Variants in EYS observed in about 807,000 individuals in gnomAD.
The protein encoded by EYS is EGF-like photoreceptor maintenance factor, also known as protein eyes shut homolog.
In EYS, 250 loss-of-function variants were observed where a neutral mutation model predicts 282.1. The observed-to-expected ratio is 0.89, with a 90% confidence interval of 0.80 to 0.98. The LOEUF (loss-of-function observed/expected upper bound fraction) is 0.98. Among genes scored for constraint, EYS ranks in the 50% least tolerant of loss-of-function variants. EYS has a pLI of 0.00. For synonymous variants in EYS, 1,355 were observed against 1,282.9 expected (o/e 1.06, Z -1.20); for missense variants, 4,016 against 3,709.0 (o/e 1.08, Z -2.15).
chr6:63,831,090 C>T (rs954944977), intron 36 of EYS, among the ~76,000 whole-genome samples: 17 of 152,212 alleles, frequency 1.1e-4, no homozygotes, highest in African/African-American at 3.4e-4. Flanking sequence ...AAGGGAAAAC[C>T]AGTACCAGCC....
chr6:65,648,540 T>C (rs183563695), intron 1 of EYS, among the ~76,000 whole-genome samples: 1 of 152,128 alleles, frequency 6.6e-6, no homozygotes, highest in Non-Finnish European at 1.5e-5. Context: ...TACAATAGAC[T>C]TTGGGGACTT....
chr6:64,456,672 T>C (rs1223654865), intron 26 of EYS, among the ~76,000 whole-genome samples: 1 of 152,044 alleles, frequency 6.6e-6, no homozygotes, highest in Non-Finnish European at 1.5e-5. Context: ...AAAGTGGGTT[T>C]TTTTGCAGGC....
chr6:63,971,408 T>G (rs1004045398), intron 35 of EYS, among the ~76,000 whole-genome samples: 1 of 152,240 alleles, frequency 6.6e-6, no homozygotes, highest in Non-Finnish European at 1.5e-5. Context: ...TAATTCAGCA[T>G]GCATCCTCTT....
intron 41 of EYS, among the ~76,000 whole-genome samples, chr6:63,735,003 C>T (rs914745883): frequency 2.0e-5 from 3 of 152,030 alleles, no homozygotes; most frequent in African/African-American, 7.2e-5. Flanking sequence ...AAATACTGGG[C>T]CATAAAACAA....
At chr6:64,592,451 A>C (rs1050771079) in intron 25 of EYS, among the ~76,000 whole-genome samples, 1 of 152,182 alleles carries the variant, frequency 6.6e-6, no homozygotes, top group African/African-American at 2.4e-5. Context: ...TAGAAATTAC[A>C]TAGATGAAAA....
rs1348286887 is a variant in EYS, at chr6:64,912,609, G to A, written c.2516C>T (p.Pro839Leu). 1.3e-6 allele frequency: 2 copies of A among 1,550,942 alleles called. No homozygotes were observed. Among genetic ancestry groups the A allele is most frequent in the Middle Eastern group, 1.7e-4 (1 of 6,014 alleles). The change falls in exon 16 of 43, where the codon CCC becomes CTC. Residue 839 changes from proline (P) to leucine (L), a missense_variant. Coordinates refer to ENST00000503581, the MANE Select transcript of EYS (RefSeq NM_001142800.2). ...GTGGCAAAATTGTCCAGTATAAAGG[G>A]GTGGGCACAGACATACAAATTGTCC... Reference protein sequence around the residue: ...IPGQFVCLCPPLYTGQFCHQR... With the variant: ...IPGQFVCLCPLLYTGQFCHQR...
intron 31 of EYS, among the ~76,000 whole-genome samples, chr6:64,202,629 T>C (rs987273155): frequency 1.9e-4 from 29 of 152,292 alleles, no homozygotes; most frequent in African/African-American, 6.5e-4. Context: ...TGTATATATC[T>C]ACCTGGAACC....
Position 64,660,934 on chromosome 6 carries a change from A to G in EYS, c.3444-34689T>C, listed in dbSNP as rs371185646. Reference sequence around the variant, plus strand: ...AAAATGAGCCCGCATTGCCAAGTCAATCCTAAGCCAAAAGAACAAAGCTGG... The same window carrying G: ...AAAATGAGCCCGCATTGCCAAGTCAGTCCTAAGCCAAAAGAACAAAGCTGG... On this transcript the variant is annotated intron_variant, in intron 22 of 42. Transcript: ENST00000503581. 3.3e-5 allele frequency among the ~76,000 whole-genome samples: 5 copies of G among 152,370 alleles called. No homozygotes were observed. The South Asian group carries it at 8.3e-4, about 25-fold the overall frequency.
At chr6:64,873,329 G>A (rs761023575) in intron 19 of EYS, among the ~76,000 whole-genome samples, 15 of 151,974 alleles carry the variant, frequency 9.9e-5, no homozygotes, top group African/African-American at 2.4e-4. Flanking sequence ...ACTTCTCACC[G>A]GGTCCCTCCC....
At chr6:64,663,772 T>C (rs917937855) in intron 22 of EYS, among the ~76,000 whole-genome samples, 1 of 152,138 alleles carries the variant, frequency 6.6e-6, no homozygotes, top group African/African-American at 2.4e-5. Flanking sequence ...GCCCCCAAGA[T>C]GGCAGCAAGC....
chr6:64,887,633 C>G (rs866774975), intron 18 of EYS, among the ~76,000 whole-genome samples: 2 of 151,992 alleles, frequency 1.3e-5, no homozygotes, highest in African/African-American at 2.4e-5. Flanking sequence ...TAACTTCACT[C>G]ATCATTTTAT....
intron 22 of EYS, among the ~76,000 whole-genome samples, chr6:64,671,961 CAAG>C (rs1769476763): frequency 6.6e-6 from 1 of 151,816 alleles, no homozygotes; most frequent in Non-Finnish European, 1.5e-5. Context: ...GGAAACCCAC[CAAG>C]AAGAAGTTAT....
At chr6:63,754,207 T>C (rs1180895485) in intron 41 of EYS, among the ~76,000 whole-genome samples, 1 of 152,178 alleles carries the variant, frequency 6.6e-6, no homozygotes, top group Non-Finnish European at 1.5e-5. Context: ...ATTTTTATTA[T>C]TATACTTTAA....
chr6:65,186,231 G>T lies in EYS; in HGVS notation c.2023+109632C>A, dbSNP rs146426225. ...CTCAACAAAAATTGAAGATGGGAATGAGAATTTAATGTTCTTTAAGAAAAT... is the reference window on the plus strand; with the variant it reads ...CTCAACAAAAATTGAAGATGGGAATTAGAATTTAATGTTCTTTAAGAAAAT... On this transcript the variant is annotated intron_variant, in intron 12 of 42. Transcript: ENST00000503581. 1.9e-3 allele frequency among the ~76,000 whole-genome samples: 281 copies of T among 151,874 alleles called. 1 individual carries two copies. Among genetic ancestry groups the T allele is most frequent in the African/African-American group, 6.5e-3 (270 of 41,528 alleles).
intron 7 of EYS, among the ~76,000 whole-genome samples, chr6:65,386,557 GGAA>G (rs924704116): frequency 3.3e-5 from 5 of 151,570 alleles, no homozygotes; most frequent in Admixed American, 6.6e-5. Flanking sequence ...CTGCTGTCAA[GGAA>G]AAAGAAAGTT....
chr6:64,511,267 G>A (rs1351768968), intron 26 of EYS, among the ~76,000 whole-genome samples: 1 of 147,668 alleles, frequency 6.8e-6, no homozygotes, highest in African/African-American at 2.5e-5. Context: ...TATATCATAT[G>A]TATCATATAT....
chr6:65,578,481 A>G (rs1364586100), intron 2 of EYS, among the ~76,000 whole-genome samples: 1 of 151,858 alleles, frequency 6.6e-6, no homozygotes, highest in Non-Finnish European at 1.5e-5. Context: ...TGGTCAAAGG[A>G]CACAAAATTT....
chr6:63,884,363 T>C (rs1773210261), intron 35 of EYS, among the ~76,000 whole-genome samples: 1 of 152,288 alleles, frequency 6.6e-6, no homozygotes, highest in African/African-American at 2.4e-5. Flanking sequence ...ACTTTTCACT[T>C]ATTTTTAGTT....
intron 2 of EYS, among the ~76,000 whole-genome samples, chr6:65,571,147 TAACAA>T (rs1267412520): frequency 1.3e-5 from 2 of 151,942 alleles, no homozygotes; most frequent in Non-Finnish European, 2.9e-5. Flanking sequence ...AAAGACAGAT[TAACAA>T]GAGAAAAACA....
Sources: allele counts gnomAD v4.1 joint callset (sites outside exome capture counted in the v4.1 genomes callset), GRCh38; gene constraint gnomAD v4.1.1; transcripts MANE v1.5; gene names NCBI Gene and HGNC (gene_info 2026-07-23, HGNC 2026-07-21).